The following ARID1A variants were observed in gnomAD, a reference collection of about 807,000 sequenced individuals.
ARID1A encodes AT-rich interaction domain 1A, also known as AT-rich interactive domain-containing protein 1A.
ARID1A carries 20 observed loss-of-function variants against 212.6 expected under a neutral mutation model. The ratio of observed to expected loss-of-function variants is 0.09; its 90% CI spans 0.07 to 0.14. The LOEUF is 0.14. ARID1A is among the 10% of genes least tolerant of loss of function. The probability of loss-of-function intolerance (pLI) is 1.00; values close to 1 mark genes in which losing one functional copy is unlikely to be tolerated. For missense variants in ARID1A, 2,587 were observed against 3,059.0 expected, an observed-to-expected ratio of 0.85 and a Z score of 3.64; for synonymous variants, 1,376 against 1,222.1, an observed-to-expected ratio of 1.13 and a Z score of -2.63.
In ARID1A at chr1:26,697,021, C is replaced by G. The variant is rs746610677; in HGVS notation, c.618C>G (p.Gly206=). 6.5e-7 allele frequency: 1 copy of G among 1,536,278 alleles called. No individual in the cohort carries two copies. The highest frequency in any genetic ancestry group is 8.7e-7 in the Non-Finnish European group (1 of 1,145,426). The change falls in exon 1 of 20, where the codon GGC becomes GGG. Residue 206 remains glycine (G), a synonymous_variant. Coordinates refer to ENST00000324856, the MANE Select transcript of ARID1A (RefSeq NM_006015.6). ...AGPQQNSHDH[G]FPNHQYNSYY... Reference sequence around the variant, plus strand: ...CCCAGCAGAACTCTCACGACCACGGCTTCCCCAACCACCAGTACAACTCCT... The same window carrying G: ...CCCAGCAGAACTCTCACGACCACGGGTTCCCCAACCACCAGTACAACTCCT...
At chr1:26,755,248 C>T (rs1029474862) in intron 4 of ARID1A, among the ~76,000 whole-genome samples, 1 of 152,072 alleles carries the variant, frequency 6.6e-6, no homozygotes, top group Admixed American at 6.5e-5. Context: ...AATGATTTAC[C>T]CCTTTCTATG....
At chr1:26,766,141 C>G (rs764684905) in intron 8 of ARID1A, 80 bp from the exon 9 acceptor site, 1 of 1,484,332 alleles carries the variant, frequency 6.7e-7, no homozygotes, top group Non-Finnish European at 9.1e-7. Flanking sequence ...GATGATCACA[C>G]AGCACTATTT....
Position 26,696,327 on chromosome 1 carries a change from G to A in ARID1A, c.-77G>A, listed in dbSNP as rs2124739313. 8.4e-7 allele frequency: 1 copy of A among 1,195,438 alleles called. No individual in the cohort carries two copies. The highest frequency in any genetic ancestry group is 1.0e-6 in the Non-Finnish European group (1 of 964,834). 74.1% of individuals were successfully genotyped at this position (1,195,438 alleles called of 1,614,324 possible). A position where few individuals can be genotyped will look rare whatever the true frequency, so the allele number is the denominator to read the frequency against. ...GTGGGGAGGGCAGCCCGGGGGACTG[G>A]GCCCCGGGGCGGGGTGGGAGGGGGG... On this transcript the variant is annotated 5_prime_UTR_variant, in exon 1 of 20. Coordinates refer to ENST00000324856, the MANE Select transcript of ARID1A (RefSeq NM_006015.6).
intron 1 of ARID1A, among the ~76,000 whole-genome samples, chr1:26,727,525 A>G (rs35256560): frequency 0.06 from 9,069 of 152,324 alleles, 329 homozygotes; most frequent in Non-Finnish European, 0.08. Context: ...CTTAGCTAAT[A>G]GTATACACCA....
Position 26,712,225 on chromosome 1 carries a change from C to T in ARID1A, c.1137+14685C>T, listed in dbSNP as rs544488773. 5.3e-5 allele frequency among the ~76,000 whole-genome samples: 8 copies of T among 152,242 alleles called. No individual in the cohort carries two copies. In the East Asian group the frequency reaches 9.6e-4, roughly 18 times the overall value. ...ATTAAATGCCATGATGTCCCTTTTG[C>T]CTGTGATGGCTGTCTGATCTGAGAA... On this transcript the variant is annotated intron_variant, in intron 1 of 19. Transcript: ENST00000324856.
intron 1 of ARID1A, among the ~76,000 whole-genome samples, chr1:26,709,549 G>T (rs748972677): frequency 1.3e-5 from 2 of 151,104 alleles, no homozygotes; most frequent in Non-Finnish European, 2.9e-5. Flanking sequence ...ATAGAATTGA[G>T]TGGTTAAAGC....
intron 1 of ARID1A, chr1:26,727,584 C>T (rs2080630584): frequency 6.6e-6 from 1 of 152,158 alleles, no homozygotes; most frequent in African/African-American, 2.4e-5. Context: ...CAAGCCCTTC[C>T]AGACCCAGTA....
rs1343760854 is a variant in ARID1A, at chr1:26,697,191, C to T, written c.788C>T (p.Ser263Phe). The change falls in exon 1 of 20, where the codon TCT becomes TTT. Residue 263 changes from serine to phenylalanine, a missense_variant. Physicochemically the swap from Ser to Phe is radical, Grantham distance 155. This residue lies in a region of ARID1A where 735 missense variants were observed against 590.6 expected (regional missense o/e 1.24). Coordinates refer to ENST00000324856, the MANE Select transcript of ARID1A (RefSeq NM_006015.6). Reference sequence around the variant, plus strand: ...TCCAGCGCCTCCGCCTCCTCGTCGTCTTCGTCCTTCGCTCAGCAGCGCTTC... The same window carrying T: ...TCCAGCGCCTCCGCCTCCTCGTCGTTTTCGTCCTTCGCTCAGCAGCGCTTC... ...PSSSASASSS[S>F]SSFAQQRFGA... 2.8e-6 allele frequency: 4 copies of T among 1,424,830 alleles called. No individual in the cohort carries two copies. Among genetic ancestry groups the T allele is most frequent in the East Asian group, 5.9e-5 (2 of 33,654 alleles). The allele number at this position is 1,424,830 out of a possible 1,614,324, so 88.3% of individuals were successfully genotyped here.
At chr1:26,702,436 G>A (rs1010786253) in intron 1 of ARID1A, among the ~76,000 whole-genome samples, 31 of 152,206 alleles carry the variant, frequency 2.0e-4, no homozygotes, top group Admixed American at 4.6e-4. Flanking sequence ...GAAAAGGGTA[G>A]AGGGAACAGT....
At chr1:26,757,208 C>T (rs1389766573) in intron 4 of ARID1A, among the ~76,000 whole-genome samples, 4 of 149,664 alleles carry the variant, frequency 2.7e-5, no homozygotes, top group Non-Finnish European at 4.4e-5. Flanking sequence ...GACGGAGACC[C>T]TGTCTCTTAA....
rs1481613259 is a variant in ARID1A at position 26,741,828 on chromosome 1, A to T, written c.1920+9036A>T. ...TAACATCTTAGCTATTACCCTTCGT[A>T]TTTTTACTTCTGTAATGCTCTCAGA... On this transcript the variant is annotated intron_variant, in intron 4 of 19. Coordinates refer to ENST00000324856, the MANE Select transcript of ARID1A (RefSeq NM_006015.6). 2.0e-5 allele frequency among the ~76,000 whole-genome samples: 3 copies of T among 152,100 alleles called. No homozygotes were observed. In the East Asian group the frequency reaches 5.8e-4, roughly 29 times the overall value.
chr1:26,700,191 A>T (rs1056836606), intron 1 of ARID1A, among the ~76,000 whole-genome samples: 1 of 152,130 alleles, frequency 6.6e-6, no homozygotes, highest in African/African-American at 2.4e-5. Flanking sequence ...TTTGTTCTGA[A>T]TTTCTCTTTG....
At chr1:26,766,424 T>TA (rs1408723942) in intron 9 of ARID1A, 33 bp from the exon 10 acceptor site, 5 of 1,613,886 alleles carry the variant, frequency 3.1e-6, no homozygotes, top group Non-Finnish European at 4.2e-6. Context: ...CAGCTAAACT[T>TA]ACTGGACTTG....
chr1:26,704,801 G>A (rs1003735614), intron 1 of ARID1A, among the ~76,000 whole-genome samples: 1 of 151,512 alleles, frequency 6.6e-6, no homozygotes, highest in African/African-American at 2.4e-5. Context: ...TGAGGCTGTT[G>A]TAAGCCATGA....
At chr1:26,731,625 G>C (rs755380536) in intron 3 of ARID1A, 21 bp downstream of exon 3, 2 of 1,607,892 alleles carry the variant, frequency 1.2e-6, no homozygotes, top group East Asian at 2.2e-5. Flanking sequence ...CCTGCCTCCT[G>C]CCCTTCCCTG....
chr1:26,696,102 C>A lies in ARID1A; in HGVS notation c.-302C>A. The A allele has an allele frequency of 2.1e-6, 1 of 469,348 alleles. No individual in the cohort carries two copies. The highest frequency in any genetic ancestry group is 9.3e-5 in the South Asian group (1 of 10,716). The allele number at this position is 469,348 out of a possible 1,614,324, so 29.1% of individuals were successfully genotyped here. ...CTCCACCGCCCCCCTCATTCCCAGG[C>A]AAGGGCTTGGGGGGAATGAGCCGGG... On this transcript the variant is annotated 5_prime_UTR_variant, in exon 1 of 20. Transcript: ENST00000324856.
At chr1:26,722,907 T>A (rs1175205416) in intron 1 of ARID1A, among the ~76,000 whole-genome samples, 1 of 152,144 alleles carries the variant, frequency 6.6e-6, no homozygotes, top group Non-Finnish European at 1.5e-5. Flanking sequence ...TTGTCCTAGG[T>A]CATATAAAAA....
chr1:26,773,046 G>C (rs2081097725), intron 14 of ARID1A, 59 bp downstream of exon 14: 5 of 1,562,098 alleles, frequency 3.2e-6, no homozygotes, highest in Non-Finnish European at 4.4e-6. Context: ...AGTGAAATGG[G>C]GGGAAATCTT....
At chr1:26,724,963 G>A (rs1365358998) in intron 1 of ARID1A, among the ~76,000 whole-genome samples, 3 of 152,224 alleles carry the variant, frequency 2.0e-5, no homozygotes, top group Non-Finnish European at 4.4e-5. Flanking sequence ...GAGATGAGGA[G>A]TTTTCTTATG....
Sources: gnomAD v4.1 joint callset for allele counts (sites outside exome capture counted in the v4.1 genomes callset) on GRCh38, gnomAD v4.1.1 for gene constraint, gnomAD v4.1.1 regional missense constraint, MANE v1.5 for transcripts, NCBI Gene and HGNC (gene_info 2026-07-23, HGNC 2026-07-21) for gene names.